Variants in UXT observed in about 807,000 individuals in gnomAD.
UXT encodes ubiquitously expressed prefoldin like chaperone, also known as protein UXT.
For missense variants in UXT, 111 were observed against 132.7 expected (o/e 0.84, Z 0.80); for synonymous variants, 54 against 52.8 (o/e 1.02, Z -0.10).
At position 47,658,917 on chromosome X, in the gene UXT, G is replaced by C. The variant is rs747965498; in HGVS notation, c.47C>G (p.Pro16Arg). 8.4e-7 allele frequency: 1 copy of C among 1,196,381 alleles called. No homozygotes were observed. ...GGCCTCCACCGCCCGCCGCTTAGGGGGCGTCGCCATGATGGGCTCCTGGGG... is the reference window on the plus strand; with the variant it reads ...GGCCTCCACCGCCCGCCGCTTAGGGCGCGTCGCCATGATGGGCTCCTGGGG... Residue 16 changes from proline (P) to arginine (R), a missense_variant, in exon 1 of 6, where the codon CCC becomes CGC. Transcript: ENST00000335890.
Position 47,658,723 on chromosome X carries a change from G to A in UXT, c.134+107C>T, listed in dbSNP as rs2058092396. 41 of 1,011,217 alleles carry A rather than the reference G, an allele frequency of 4.1e-5. No individual in the cohort carries two copies. In the South Asian group the frequency reaches 1.1e-3, roughly 27 times the overall value. 83.3% of individuals were successfully genotyped at this position (1,011,217 alleles called of 1,213,427 possible). A position where few individuals can be genotyped will look rare whatever the true frequency, so the allele number is the denominator to read the frequency against. ...TCTCGCTCCAAGGAGCGCGGGGCCGGACTCTGAACGCCTCGCCCGCCAATT... is the reference window on the plus strand; with the variant it reads ...TCTCGCTCCAAGGAGCGCGGGGCCGAACTCTGAACGCCTCGCCCGCCAATT... On this transcript the variant is annotated intron_variant, in intron 1 of 5. Transcript: ENST00000335890.
chrX:47,657,538 C>A, intron 3 of UXT, 34 bp downstream of exon 4: 1 of 1,194,574 alleles, frequency 8.4e-7, no homozygotes, highest in Non-Finnish European at 1.1e-6. Context: ...GTAAGCTGAA[C>A]CCTGTGGGCT....
At position 47,654,002 on chromosome X, in the gene UXT, C is replaced by A. The variant is rs377444210; in HGVS notation, c.393-1858G>T. 6 of 641,321 alleles carry A rather than the reference C, an allele frequency of 9.4e-6. No individual in the cohort carries two copies. The East Asian group carries it at 6.5e-4, about 69-fold the overall frequency. The allele number at this position is 641,321 out of a possible 1,213,427, so 52.9% of individuals were successfully genotyped here. ...ACAATTTTAACATCAAAAAAGAGAA[C>A]AAAATTAGTTAATGGTGTAAGCTTA... On this transcript the variant is annotated intron_variant, in intron 4 of 5. Transcript: ENST00000335890.
At position 47,658,970 on chromosome X, in the gene UXT, C is replaced by T. The variant is rs2058094058; in HGVS notation, c.-7G>A. 8.3e-7 allele frequency: 1 copy of T among 1,211,502 alleles called. No individual in the cohort carries two copies. The highest frequency in any genetic ancestry group is 1.7e-5 in the African/African-American group (1 of 57,966). On this transcript the variant is annotated 5_prime_UTR_variant, in exon 1 of 6. Transcript: ENST00000335890. ...TGGGGAGGGGGAAGACCATGTTGACCGATCCAGTTTGGCCTCACACACAGT... is the reference window on the plus strand; with the variant it reads ...TGGGGAGGGGGAAGACCATGTTGACTGATCCAGTTTGGCCTCACACACAGT...
Position 47,658,835 on chromosome X carries a change from G to A in UXT, c.129C>T (p.Asp43=). The A allele has an allele frequency of 8.7e-7, 1 of 1,143,414 alleles. No homozygotes were observed. The highest frequency in any genetic ancestry group is 1.2e-6 in the Non-Finnish European group (1 of 861,858). The allele number at this position is 1,143,414 out of a possible 1,213,427, so 94.2% of individuals were successfully genotyped here. Residue 43 remains aspartate, a synonymous_variant, in exon 1 of 6, where the codon GAC becomes GAT. Coordinates refer to ENST00000335890, the MANE Select transcript of UXT (RefSeq NM_153477.3). The stretch of plus-strand genomic sequence containing the variant: ...CCCCCCGCACTGTCACTCACCGCAA[G>A]TCCCGCTGCAGCACGTCACTGATGA...
intron 4 of UXT, 95 bp downstream of exon 5, chrX:47,657,088 G>C: frequency 1.3e-6 from 1 of 743,740 alleles, no homozygotes; most frequent in Non-Finnish European, 2.0e-6. Context: ...GGGGAGATGA[G>C]TCCTTAAGTA....
chrX:47,657,605 T>G lies in UXT; in HGVS notation c.251A>C (p.Asp84Ala). 1 of 1,209,923 alleles carries G rather than the reference T, an allele frequency of 8.3e-7. No homozygotes were observed. Among genetic ancestry groups the G allele is most frequent in the African/African-American group, 1.7e-5 (1 of 57,476 alleles). ...GTCAACGAAGAAGTTACAGCCCAAA[T>G]CCACCTGCATATATAACTCCGAGTG... The change falls in exon 3 of 6, where the codon GAT (aspartate) becomes GCT (alanine). Residue 84 changes from aspartate to alanine, a missense_variant. Transcript: ENST00000335890.
At chrX:47,658,732 C>T in intron 1 of UXT, 98 bp downstream of exon 2, 11 of 1,030,283 alleles carry the variant, frequency 1.1e-5, no homozygotes, top group East Asian at 3.5e-5. Flanking sequence ...GGACTCTGAA[C>T]GCCTCGCCCG....
rs762531744 is a variant in UXT, at chrX:47,658,814, C to A, written c.134+16G>T. On this transcript the variant is annotated intron_variant, in intron 1 of 5. Transcript: ENST00000335890. ...TGGAATGTTCCAAACGCCCCGCCCC[C>A]CGCACTGTCACTCACCGCAAGTCCC... is the stretch of plus-strand genomic sequence containing the variant. 2 of 1,135,659 alleles carry A rather than the reference C, an allele frequency of 1.8e-6. No individual in the cohort carries two copies. Among genetic ancestry groups the A allele is most frequent in the East Asian group, 6.2e-5 (2 of 32,470 alleles). The allele number at this position is 1,135,659 out of a possible 1,213,427, so 93.6% of individuals were successfully genotyped here. A position where few individuals can be genotyped will look rare whatever the true frequency, so the allele number is the denominator to read the frequency against.
At chrX:47,654,071 A>G in intron 4 of UXT, 1 of 753,293 alleles carries the variant, frequency 1.3e-6, no homozygotes, top group Non-Finnish European at 1.6e-6. Context: ...AGGGAGAAAA[A>G]TACAGAGTTC....
intron 4 of UXT, among the ~76,000 whole-genome samples, chrX:47,656,106 C>A (rs1224400548): frequency 2.7e-5 from 3 of 111,870 alleles, no homozygotes; most frequent in Admixed American, 9.5e-5. Context: ...CTCCCCATCA[C>A]CCCCAACACA....
intron 4 of UXT, among the ~76,000 whole-genome samples, chrX:47,656,573 G>A (rs1293138767): frequency 9.0e-6 from 1 of 111,520 alleles, no homozygotes; most frequent in African/African-American, 3.3e-5. Context: ...AGGTTACAGA[G>A]GGCCTTGTTG....
chrX:47,657,478 C>T, intron 3 of UXT, 94 bp downstream of exon 4: 1 of 948,651 alleles, frequency 1.1e-6, no homozygotes, highest in Admixed American at 2.7e-5. Context: ...TCGCATAGTG[C>T]CTGGTACATA....
rs776133778 is a variant in UXT, at chrX:47,652,800, C to A, written c.393-656G>T. Among the ~76,000 whole-genome samples the A allele has an allele frequency of 3.6e-5, 4 of 111,515 alleles. No homozygotes were observed. In the East Asian group the frequency reaches 1.1e-3, roughly 31 times the overall value. On this transcript the variant is annotated intron_variant, in intron 4 of 5. Transcript: ENST00000335890. Reference sequence around the variant, plus strand: ...AAGCCTACAAGGCCATGGTAAGGACCCTGGCTTTGACCTTAAGTGAGATGG... The same window carrying A: ...AAGCCTACAAGGCCATGGTAAGGACACTGGCTTTGACCTTAAGTGAGATGG...
At chrX:47,654,173 G>T in intron 4 of UXT, 9 of 507,403 alleles carry the variant, frequency 1.8e-5, no homozygotes, top group Non-Finnish European at 2.2e-5. Context: ...TACTGATTTA[G>T]TATGTAAGGC....
At chrX:47,656,047 A>G (rs753227550) in intron 4 of UXT, among the ~76,000 whole-genome samples, 1 of 108,948 alleles carries the variant, frequency 9.2e-6, no homozygotes, top group Non-Finnish European at 1.9e-5. Flanking sequence ...CACGGAAACC[A>G]AAAGATTGGA....
chrX:47,657,455 G>A, intron 3 of UXT, 117 bp downstream of exon 4: 1 of 829,033 alleles, frequency 1.2e-6, no homozygotes, highest in Non-Finnish European at 1.7e-6. Flanking sequence ...ATATCCTACT[G>A]GGATATAAAA....
intron 4 of UXT, among the ~76,000 whole-genome samples, chrX:47,655,896 G>A: frequency 8.9e-6 from 1 of 112,303 alleles, no homozygotes; most frequent in Non-Finnish European, 1.9e-5. Context: ...GGACGGCTTT[G>A]AATGCAGCCC....
rs757306862 is a variant in UXT, at chrX:47,659,138, G to C, written c.-175C>G. 51 of 731,461 alleles carry C rather than the reference G, an allele frequency of 7.0e-5. No individual in the cohort carries two copies. In the East Asian group the frequency reaches 1.7e-3, roughly 25 times the overall value. 60.3% of individuals were successfully genotyped at this position (731,461 alleles called of 1,213,427 possible). On this transcript the variant is annotated 5_prime_UTR_variant, in exon 1 of 6. Coordinates refer to ENST00000335890, the MANE Select transcript of UXT (RefSeq NM_153477.3). ...ACCTCAGGCCGCCAGCAATAAGAAC[G>C]GTTGGTAGGAACCGCGGCTTCCGGG...
Sources: gnomAD v4.1 joint callset for allele counts (sites outside exome capture counted in the v4.1 genomes callset) on GRCh38, gnomAD v4.1.1 for gene constraint, MANE v1.5 for transcripts, NCBI Gene and HGNC (gene_info 2026-07-23, HGNC 2026-07-21) for gene names.